MTUS2: variants seen among roughly 807,000 people sequenced by gnomAD.
MTUS2 encodes microtubule-associated tumor suppressor candidate 2.
MTUS2 carries 40 observed loss-of-function variants against 114.1 expected under a neutral mutation model. The ratio of observed to expected loss-of-function variants is 0.35; its 90% CI spans 0.27 to 0.46. The LOEUF (loss-of-function observed/expected upper bound fraction) is 0.46. MTUS2 is among the 20% of genes least tolerant of loss of function. The pLI, the probability that MTUS2 is intolerant of heterozygous loss-of-function variation, is 1.00. For missense variants in MTUS2, 1,679 were observed against 1,705.4 expected (o/e 0.98, Z 0.27); for synonymous variants, 688 against 672.0 (o/e 1.02, Z -0.37).
intron 7 of MTUS2, among the ~76,000 whole-genome samples, chr13:29,337,605 ATTTTTTTTTTTTT>A (rs1447696071): frequency 2.1e-5 from 3 of 144,948 alleles, no homozygotes; most frequent in African/African-American, 5.1e-5. Flanking sequence ...TTATTTTTCT[ATTTTTTTTTTTTT>A]GAGATGGGGG....
intron 6 of MTUS2, among the ~76,000 whole-genome samples, chr13:29,321,950 T>C (rs897120911): frequency 6.6e-6 from 1 of 152,232 alleles, no homozygotes; most frequent in African/African-American, 2.4e-5. Flanking sequence ...AATATAGAGC[T>C]ATGACATCCT....
intron 2 of MTUS2, among the ~76,000 whole-genome samples, chr13:28,923,272 TG>T (rs1284766818): frequency 5.3e-5 from 8 of 152,354 alleles, no homozygotes; most frequent in African/African-American, 1.9e-4. Context: ...ATCTCAGTGT[TG>T]GTGTCAGTTG....
In MTUS2 at chr13:29,465,241, A is replaced by G. The variant is rs889637773; in HGVS notation, c.3185-14909A>G. On this transcript the variant is annotated intron_variant, in intron 9 of 15. Coordinates refer to ENST00000612955, the MANE Select transcript of MTUS2 (RefSeq NM_001033602.4). The stretch of plus-strand genomic sequence containing the variant: ...CCAGGCATGGTGCTGAGCACTTACT[A>G]TGAATTATCCCATTTAAACCTCACG... Among the ~76,000 whole-genome samples, 23 of 152,266 alleles carry G rather than the reference A, an allele frequency of 1.5e-4. 1 individual carries two copies. In the East Asian group the frequency reaches 2.3e-3, roughly 15 times the overall value.
chr13:29,180,755 G>T (rs928913807), intron 5 of MTUS2, among the ~76,000 whole-genome samples: 4 of 152,172 alleles, frequency 2.6e-5, no homozygotes, highest in African/African-American at 9.7e-5. Context: ...AGAGTTGGTT[G>T]CATGCTTATG....
chr13:28,916,190 G>A (rs1389680829), intron 2 of MTUS2, among the ~76,000 whole-genome samples: 1 of 151,750 alleles, frequency 6.6e-6, no homozygotes, highest in Non-Finnish European at 1.5e-5. Context: ...TACTGTTTTT[G>A]TTATGATAGC....
intron 6 of MTUS2, among the ~76,000 whole-genome samples, chr13:29,299,368 A>G (rs143483239): frequency 6.6e-6 from 1 of 152,316 alleles, no homozygotes; most frequent in Non-Finnish European, 1.5e-5. Flanking sequence ...CCATTTGTTC[A>G]ACATATATTA....
intron 4 of MTUS2, among the ~76,000 whole-genome samples, chr13:29,037,353 G>T (rs940919491): frequency 6.6e-6 from 1 of 152,098 alleles, no homozygotes; most frequent in African/African-American, 2.4e-5. Flanking sequence ...CTCTCTTCTG[G>T]CTTGTAGAGT....
At chr13:29,292,494 T>G (rs765916424) in intron 6 of MTUS2, among the ~76,000 whole-genome samples, 14 of 152,174 alleles carry the variant, frequency 9.2e-5, no homozygotes, top group South Asian at 2.1e-4. Flanking sequence ...TTGAGGGACT[T>G]GTAAGTAACT....
At chr13:29,257,545 C>T (rs1024374206) in intron 5 of MTUS2, among the ~76,000 whole-genome samples, 8 of 152,094 alleles carry the variant, frequency 5.3e-5, no homozygotes, top group African/African-American at 1.9e-4. Context: ...TGGAACTTAA[C>T]GTGAAGGAGG....
intron 7 of MTUS2, among the ~76,000 whole-genome samples, chr13:29,342,378 GT>G (rs1465234231): frequency 2.6e-5 from 4 of 151,872 alleles, no homozygotes; most frequent in Non-Finnish European, 5.9e-5. Flanking sequence ...CCTTAATTAG[GT>G]GTAATATATT....
At position 29,501,277 on chromosome 13, in the gene MTUS2, C is replaced by G. The variant is rs572983489; in HGVS notation, c.3896+83C>G. On this transcript the variant is annotated intron_variant, in intron 15 of 15. Transcript: ENST00000612955. ...CAACATCCAGTTTCCCTCACTCTGG[C>G]CTGTGAGTCTTTCCCCACAGTCTCT... 2.1e-4 allele frequency: 214 copies of G among 1,015,402 alleles called. No homozygotes were observed. The South Asian group carries it at 2.8e-3, about 13-fold the overall frequency. The allele number at this position is 1,015,402 out of a possible 1,614,324, so 62.9% of individuals were successfully genotyped here. A position where few individuals can be genotyped will look rare whatever the true frequency, so the allele number is the denominator to read the frequency against.
chr13:29,196,622 T>TGCC (rs1039333923), intron 5 of MTUS2, among the ~76,000 whole-genome samples: 7 of 152,184 alleles, frequency 4.6e-5, no homozygotes, highest in African/African-American at 1.4e-4. Context: ...AACCTTTCAT[T>TGCC]GCCTCCTCCT....
intron 5 of MTUS2, among the ~76,000 whole-genome samples, chr13:29,159,441 T>G (rs1468537892): frequency 6.6e-6 from 1 of 152,134 alleles, no homozygotes; most frequent in Non-Finnish European, 1.5e-5. Context: ...GATCTAGGAC[T>G]AAGCAAAGAA....
chr13:29,201,772 C>T (rs9550449), intron 5 of MTUS2, among the ~76,000 whole-genome samples: 12,940 of 152,106 alleles, frequency 0.085, 721 homozygotes, highest in African/African-American at 0.15. Flanking sequence ...AAGCTTAGTT[C>T]GGCTGGATAT....
chr13:29,121,492 G>T (rs1014915299), intron 5 of MTUS2, among the ~76,000 whole-genome samples: 1 of 152,032 alleles, frequency 6.6e-6, no homozygotes, highest in Non-Finnish European at 1.5e-5. Flanking sequence ...CACAGGCAGT[G>T]TCATGTAGAT....
chr13:29,015,887 T>C (rs1290405002), intron 2 of MTUS2, among the ~76,000 whole-genome samples: 4 of 152,182 alleles, frequency 2.6e-5, no homozygotes, highest in Non-Finnish European at 4.4e-5. Flanking sequence ...TTCTTTTTTT[T>C]ATAGCTAATG....
intron 5 of MTUS2, among the ~76,000 whole-genome samples, chr13:29,205,944 C>A (rs1469663196): frequency 6.6e-6 from 1 of 152,188 alleles, no homozygotes; most frequent in Non-Finnish European, 1.5e-5. Context: ...ATTGCTGGAT[C>A]AAATGGTAGT....
intron 2 of MTUS2, among the ~76,000 whole-genome samples, chr13:28,963,533 GC>G (rs1555278699): frequency 1.3e-5 from 2 of 152,148 alleles, no homozygotes; most frequent in Non-Finnish European, 2.9e-5. Context: ...GCACATGCAT[GC>G]CTATATATAG....
At chr13:29,236,600 T>A (rs375281092) in intron 5 of MTUS2, among the ~76,000 whole-genome samples, 1 of 152,238 alleles carries the variant, frequency 6.6e-6, no homozygotes, top group Admixed American at 6.5e-5. Context: ...TTAGGATAGT[T>A]ACAGTACACG....
Sources: gnomAD v4.1 joint callset for allele counts (sites outside exome capture counted in the v4.1 genomes callset) on GRCh38, gnomAD v4.1.1 for gene constraint, MANE v1.5 for transcripts, NCBI Gene and HGNC (gene_info 2026-07-23, HGNC 2026-07-21) for gene names.